BCL2: variants seen among roughly 807,000 people sequenced by gnomAD.
BCL2 encodes BCL2 apoptosis regulator, also known as apoptosis regulator Bcl-2.
BCL2 carries 1 observed loss-of-function variant against 14.2 expected under a neutral mutation model. The ratio of observed to expected loss-of-function variants is 0.07; its 90% CI spans 0.02 to 0.33. The LOEUF (loss-of-function observed/expected upper bound fraction) is 0.33. Among genes scored for constraint, BCL2 ranks in the 10% least tolerant of loss-of-function variants. The pLI is 0.99. For synonymous variants in BCL2, 151 were observed against 137.2 expected (o/e 1.10, Z -0.70); for missense variants, 247 against 305.9 (o/e 0.81, Z 1.44).
At chr18:63,206,412 C>T (rs112095905) in intron 2 of BCL2, among the ~76,000 whole-genome samples, 232 of 152,364 alleles carry the variant, frequency 1.5e-3, no homozygotes, top group African/African-American at 5.0e-3. Context: ...TCATCATCTT[C>T]GCTTCTCTTT....
In BCL2 at chr18:63,147,474, A is replaced by G. The variant is rs530820838; in HGVS notation, c.586-18715T>C. Among the ~76,000 whole-genome samples, 37 of 152,296 alleles carry G rather than the reference A, an allele frequency of 2.4e-4. 1 individual carries two copies. The highest frequency in any genetic ancestry group is 9.8e-4 in the Admixed American group (15 of 15,294). ...GTGCAAATAGAGGCTTGAATCCTAG[A>G]GGGGATTTTACTAGAAGAAGCCGGG... is the stretch of plus-strand genomic sequence containing the variant. On this transcript the variant is annotated intron_variant, in intron 2 of 2. Transcript: ENST00000333681.
rs148945484 is a variant in BCL2, at chr18:63,254,707, T to C, written c.585+63375A>G. 1.3e-4 allele frequency among the ~76,000 whole-genome samples: 20 copies of C among 152,352 alleles called. 1 individual carries two copies. In the East Asian group the frequency reaches 3.3e-3, roughly 25 times the overall value. On this transcript the variant is annotated intron_variant, in intron 2 of 2. Transcript: ENST00000333681. ...ATACACGTATTTAAAATATGGGTTA[T>C]AGAAAAGATACCATATGCAGTGGTC...
At chr18:63,205,703 A>C (rs1909817884) in intron 2 of BCL2, among the ~76,000 whole-genome samples, 3 of 152,224 alleles carry the variant, frequency 2.0e-5, no homozygotes, top group African/African-American at 2.4e-5. Flanking sequence ...GAAAAAGAAA[A>C]GAAGAAGGAT....
chr18:63,318,069 CA>C lies in BCL2; in HGVS notation c.585+12del, dbSNP rs1303424882. ...TGGCCTCAGCCCAGACTCACATCAC[CA>C]AGTGCACCTACCCAGCCTCCGTTAT... On this transcript the variant is annotated intron_variant, in intron 2 of 2. Transcript: ENST00000333681. The surrounding 1 kb of genome is among the most constrained non-coding windows in gnomAD (Gnocchi z 7.4). 6.2e-7 allele frequency: 1 copy of C among 1,613,466 alleles called. No individual in the cohort carries two copies. The highest frequency in any genetic ancestry group is 1.7e-5 in the Admixed American group (1 of 59,986).
intron 2 of BCL2, among the ~76,000 whole-genome samples, chr18:63,131,849 T>C (rs1019263688): frequency 3.9e-5 from 6 of 152,218 alleles, no homozygotes; most frequent in African/African-American, 1.2e-4. Flanking sequence ...TGCAGGGACA[T>C]ACTCCAGCTG....
chr18:63,274,347 A>C (rs1912090183), intron 2 of BCL2, among the ~76,000 whole-genome samples: 1 of 142,438 alleles, frequency 7.0e-6, no homozygotes, highest in African/African-American at 2.7e-5. Context: ...TAGTGGTGCA[A>C]TCTTGGCTCA....
intron 2 of BCL2, among the ~76,000 whole-genome samples, chr18:63,131,857 C>G (rs755852793): frequency 3.3e-5 from 5 of 152,216 alleles, no homozygotes; most frequent in Non-Finnish European, 7.3e-5. Context: ...CATACTCCAG[C>G]TGGCATTTTC....
intron 2 of BCL2, among the ~76,000 whole-genome samples, chr18:63,155,492 G>T (rs1257653104): frequency 6.6e-6 from 1 of 152,114 alleles, no homozygotes; most frequent in Non-Finnish European, 1.5e-5. Context: ...GTCTCGGAGG[G>T]TCCAGCTGCT....
rs558204679 is a variant in BCL2 at position 63,220,438 on chromosome 18, C to T, written c.586-91679G>A. Among the ~76,000 whole-genome samples, 35 of 152,250 alleles carry T rather than the reference C, an allele frequency of 2.3e-4. No individual in the cohort carries two copies. The South Asian group carries it at 6.9e-3, about 30-fold the overall frequency. On this transcript the variant is annotated intron_variant, in intron 2 of 2. Transcript: ENST00000333681. ...CACCAGTAGTTTCTCCATACAACAT[C>T]GGTGGTTTGCATAGGTCTACCAGGG...
intron 2 of BCL2, among the ~76,000 whole-genome samples, chr18:63,286,966 G>A (rs1403320884): frequency 6.6e-6 from 1 of 152,176 alleles, no homozygotes; most frequent in African/African-American, 2.4e-5. Context: ...CACTATGGAA[G>A]GATACTGGCA....
At chr18:63,314,644 C>T (rs777380575) in intron 2 of BCL2, 1 of 152,214 alleles carries the variant, frequency 6.6e-6, no homozygotes, top group African/African-American at 2.4e-5. Flanking sequence ...CTCTCCATCA[C>T]CTGCCCAAAA....
intron 2 of BCL2, among the ~76,000 whole-genome samples, chr18:63,158,351 C>T (rs190951010): frequency 1.3e-5 from 2 of 152,270 alleles, no homozygotes; most frequent in Non-Finnish European, 1.5e-5. Context: ...ACCTGGTGGC[C>T]GAGTGACCTG....
chr18:63,297,184 G>A (rs1912822387), intron 2 of BCL2, among the ~76,000 whole-genome samples: 1 of 151,934 alleles, frequency 6.6e-6, no homozygotes, highest in Non-Finnish European at 1.5e-5. Flanking sequence ...CTGCACTCCA[G>A]CCTGGGCGAC....
At chr18:63,290,232 C>T (rs538604312) in intron 2 of BCL2, among the ~76,000 whole-genome samples, 1 of 152,274 alleles carries the variant, frequency 6.6e-6, no homozygotes, top group Non-Finnish European at 1.5e-5. Flanking sequence ...TTAATTTGAA[C>T]TGCCAACAGG....
intron 2 of BCL2, among the ~76,000 whole-genome samples, chr18:63,184,296 T>C (rs908539827): frequency 6.6e-6 from 1 of 152,248 alleles, no homozygotes; most frequent in African/African-American, 2.4e-5. Context: ...CTGCAGCATA[T>C]CTGGCTTCCT....
intron 2 of BCL2, among the ~76,000 whole-genome samples, chr18:63,223,806 A>G (rs1299223866): frequency 6.6e-6 from 1 of 152,228 alleles, no homozygotes; most frequent in Non-Finnish European, 1.5e-5. Context: ...CTCAGAGTTG[A>G]CAAGTCCCTC....
chr18:63,299,531 C>T (rs368974060), intron 2 of BCL2, among the ~76,000 whole-genome samples: 97 of 152,336 alleles, frequency 6.4e-4, no homozygotes, highest in African/African-American at 2.2e-3. Flanking sequence ...AAAAATCCAG[C>T]CATGTCACTT....
intron 2 of BCL2, among the ~76,000 whole-genome samples, chr18:63,259,390 C>T (rs1016346739): frequency 9.2e-5 from 14 of 152,204 alleles, no homozygotes; most frequent in African/African-American, 2.9e-4. Flanking sequence ...TCTATTTGTA[C>T]CCGGCTCCCC....
intron 2 of BCL2, among the ~76,000 whole-genome samples, chr18:63,216,126 G>A (rs1251844900): frequency 6.6e-6 from 1 of 151,882 alleles, no homozygotes; most frequent in Non-Finnish European, 1.5e-5. Context: ...TTTGGTGGTG[G>A]GTTATGAGTG....
Sources: gnomAD v4.1 joint callset for allele counts (sites outside exome capture counted in the v4.1 genomes callset) on GRCh38, gnomAD v4.1.1 for gene constraint, Gnocchi (gnomAD v3.1) non-coding constraint, MANE v1.5 for transcripts, NCBI Gene and HGNC (gene_info 2026-07-23, HGNC 2026-07-21) for gene names.